DNAH14: variants seen among roughly 807,000 people sequenced by gnomAD.
DNAH14 encodes the protein dynein axonemal heavy chain 14, also known as axonemal beta dynein heavy chain 14.
In DNAH14, 478 loss-of-function variants were observed where a neutral mutation model predicts 520.9. That is an observed-to-expected ratio of 0.92 (90% CI 0.85 to 0.99). DNAH14 has a LOEUF of 0.99. DNAH14 is among the 50% of genes least tolerant of loss of function. DNAH14 has a pLI of 0.00. For synonymous variants in DNAH14, 1,581 were observed against 1,757.2 expected (o/e 0.90, Z 2.51); for missense variants, 4,831 against 5,234.5 (o/e 0.92, Z 2.38).
At chr1:225,151,983 T>A in intron 31 of DNAH14, 22 bp from the exon 32 acceptor site, 1 of 1,542,224 alleles carries the variant, frequency 6.5e-7, no homozygotes, top group Non-Finnish European at 8.8e-7. Flanking sequence ...GTGCTAGTGA[T>A]GAATACTGTA....
chr1:225,083,146 A>G (rs2073338077), intron 20 of DNAH14, among the ~76,000 whole-genome samples: 1 of 152,150 alleles, frequency 6.6e-6, no homozygotes, highest in African/African-American at 2.4e-5. Flanking sequence ...ACTTGACATT[A>G]TATTTAAAAT....
intron 8 of DNAH14, among the ~76,000 whole-genome samples, chr1:224,978,147 A>C (rs1281008774): frequency 1.3e-5 from 2 of 152,228 alleles, no homozygotes; most frequent in East Asian, 3.8e-4. Flanking sequence ...ACAAGCCAAC[A>C]ATCCCACTAC....
chr1:225,147,087 C>A lies in DNAH14; in HGVS notation c.4795-17C>A, dbSNP rs773990376. On this transcript the variant is annotated splice_polypyrimidine_tract_variant and intron_variant, in intron 30 of 85. Transcript: ENST00000682510. ...TTATAATAATTTTAGTAATCAATCT[C>A]TTTTTTTTTTTAAAAGATAGTGAGA... 32 of 1,176,632 alleles carry A rather than the reference C, an allele frequency of 2.7e-5. No homozygotes were observed. The highest frequency in any genetic ancestry group is 6.4e-5 in the African/African-American group (4 of 62,156). 72.9% of individuals were successfully genotyped at this position (1,176,632 alleles called of 1,614,324 possible). A position where few individuals can be genotyped will look rare whatever the true frequency, so the allele number is the denominator to read the frequency against.
intron 41 of DNAH14, among the ~76,000 whole-genome samples, chr1:225,220,287 A>G (rs779727313): frequency 3.9e-5 from 6 of 152,230 alleles, no homozygotes; most frequent in Non-Finnish European, 8.8e-5. Flanking sequence ...TAATCAACAT[A>G]GTATTGGAAG....
intron 10 of DNAH14, among the ~76,000 whole-genome samples, chr1:225,020,457 A>G (rs1204180697): frequency 2.3e-5 from 3 of 128,974 alleles, no homozygotes; most frequent in South Asian, 2.7e-4. Flanking sequence ...AGATTGCACC[A>G]CTGGAATCCA....
chr1:225,335,872 CATATACAT>C (rs777558433), intron 66 of DNAH14, among the ~76,000 whole-genome samples: 21,916 of 71,994 alleles, frequency 0.3, 3,051 homozygotes, highest in East Asian at 0.43. Context: ...TGTACATACA[CATATACAT>C]ATATGTACAT....
intron 19 of DNAH14, among the ~76,000 whole-genome samples, chr1:225,081,156 T>A (rs1459792735): frequency 6.6e-6 from 1 of 152,194 alleles, no homozygotes; most frequent in Non-Finnish European, 1.5e-5. Flanking sequence ...ATTATCAAAT[T>A]TGAAATCTTG....
chr1:225,118,886 CAA>C (rs35262847), intron 25 of DNAH14, among the ~76,000 whole-genome samples: 16 of 74,612 alleles, frequency 2.1e-4, no homozygotes, highest in Admixed American at 4.2e-4. Context: ...CTCTCTGTCT[CAA>C]AAAAAAAAAA....
Position 225,168,018 on chromosome 1 carries a change from A to G in DNAH14, c.5525A>G (p.Asn1842Ser). The G allele has an allele frequency of 6.6e-7, 1 of 1,522,442 alleles. No homozygotes were observed. The highest frequency in any genetic ancestry group is 8.9e-7 in the Non-Finnish European group (1 of 1,127,994). The allele number at this position is 1,522,442 out of a possible 1,614,324, so 94.3% of individuals were successfully genotyped here. ...SQKEKIIQFY[N>S]QLQVCVGVML... Reference sequence around the variant, plus strand: ...AAAGAGAAGATTATACAGTTTTATAATCAACTTCAGGTAAGTATAAAATGG... The same window carrying G: ...AAAGAGAAGATTATACAGTTTTATAGTCAACTTCAGGTAAGTATAAAATGG... Residue 1842 changes from asparagine (N) to serine (S), a missense_variant, in exon 36 of 86, where the codon AAT becomes AGT. Transcript: ENST00000682510.
Position 225,117,689 on chromosome 1 carries a change from C to A in DNAH14, c.3873C>A (p.Tyr1291Ter). 6.5e-7 allele frequency: 1 copy of A among 1,536,648 alleles called. No homozygotes were observed. Among genetic ancestry groups the A allele is most frequent in the Non-Finnish European group, 8.8e-7 (1 of 1,138,022 alleles). Residue 1291 changes from tyrosine to a stop codon, truncating the protein, a stop_gained, in exon 24 of 86, where the codon TAC becomes TAA. Transcript: ENST00000682510. LOFTEE classifies it high-confidence loss of function. ...TTTCTTTTGATTCTGGACAGGATTA[C>A]CTTGAAGTTAAAAGATTAATTTTCC... ...LEHIKKSLED[Y>*]LEVKRLIFPR...
At chr1:224,978,124 A>G (rs1387196939) in intron 8 of DNAH14, among the ~76,000 whole-genome samples, 1 of 152,184 alleles carries the variant, frequency 6.6e-6, no homozygotes, top group Non-Finnish European at 1.5e-5. Context: ...AAAACTAAAA[A>G]TAGAGCTACC....
At chr1:225,328,113 CAG>C (rs2094716653) in intron 64 of DNAH14, among the ~76,000 whole-genome samples, 1 of 152,102 alleles carries the variant, frequency 6.6e-6, no homozygotes, top group African/African-American at 2.4e-5. Context: ...CATAAATCCC[CAG>C]AGAGATTTAA....
At chr1:225,205,396 A>G (rs1337508549) in intron 39 of DNAH14, among the ~76,000 whole-genome samples, 1 of 152,176 alleles carries the variant, frequency 6.6e-6, no homozygotes, top group Non-Finnish European at 1.5e-5. Flanking sequence ...CCAGACAAGG[A>G]ATCTGCTAGT....
intron 22 of DNAH14, among the ~76,000 whole-genome samples, chr1:225,098,668 G>C (rs548859479): frequency 1.3e-5 from 2 of 151,936 alleles, no homozygotes; most frequent in African/African-American, 2.4e-5. Context: ...TTGATTGATC[G>C]GTAGTTATTC....
chr1:225,013,788 G>T (rs2064996144), intron 10 of DNAH14, among the ~76,000 whole-genome samples: 1 of 152,106 alleles, frequency 6.6e-6, no homozygotes, highest in Non-Finnish European at 1.5e-5. Flanking sequence ...CCTCAGTAAT[G>T]GTGGATGCCC....
chr1:224,943,191 G>C (rs1178970376), intron 1 of DNAH14, among the ~76,000 whole-genome samples: 1 of 152,118 alleles, frequency 6.6e-6, no homozygotes, highest in Non-Finnish European at 1.5e-5. Flanking sequence ...ATGTGTTATT[G>C]GCCTATTCAG....
chr1:225,169,780 T>C (rs1055636068), intron 36 of DNAH14, among the ~76,000 whole-genome samples: 5 of 152,158 alleles, frequency 3.3e-5, no homozygotes, highest in African/African-American at 4.8e-5. Context: ...GCCACAAAGA[T>C]ACTCCTTGAG....
At chr1:225,196,322 A>G (rs759606571) in intron 38 of DNAH14, among the ~76,000 whole-genome samples, 5 of 152,140 alleles carry the variant, frequency 3.3e-5, no homozygotes, top group Non-Finnish European at 7.3e-5. Flanking sequence ...CTCCAATCTC[A>G]TGCAGAGCTC....
intron 27 of DNAH14, among the ~76,000 whole-genome samples, chr1:225,126,958 G>C (rs1399610855): frequency 6.6e-6 from 1 of 150,890 alleles, no homozygotes; most frequent in Admixed American, 6.6e-5. Context: ...CCTTCATTTC[G>C]TTATGTACCC....
Sources: gnomAD v4.1 joint callset for allele counts (sites outside exome capture counted in the v4.1 genomes callset) on GRCh38, gnomAD v4.1.1 for gene constraint, MANE v1.5 for transcripts, NCBI Gene and HGNC (gene_info 2026-07-23, HGNC 2026-07-21) for gene names.